The following ROR2 variants were observed in gnomAD, a reference collection of about 807,000 sequenced individuals.
The protein encoded by ROR2 is ROR family WNT receptor 2, also known as tyrosine-protein kinase transmembrane receptor ROR2.
ROR2 carries 33 observed loss-of-function variants against 74.9 expected under a neutral mutation model. The ratio of observed to expected loss-of-function variants is 0.44; its 90% CI spans 0.33 to 0.59. ROR2 has a LOEUF of 0.59. ROR2 is among the 20% of genes least tolerant of loss of function. The pLI, the probability that ROR2 is intolerant of heterozygous loss-of-function variation, is 0.02. For missense variants in ROR2, 1,216 were observed against 1,313.8 expected (o/e 0.93, Z 1.15); for synonymous variants, 586 against 558.7 (o/e 1.05, Z -0.69).
chr9:91,844,424 C>T (rs767769384), intron 1 of ROR2, among the ~76,000 whole-genome samples: 51 of 152,294 alleles, frequency 3.3e-4, no homozygotes, highest in Non-Finnish European at 6.2e-4. Context: ...AAAGACACCG[C>T]CTCCTTCGTG....
chr9:91,760,596 T>G (rs1279893381), intron 2 of ROR2, among the ~76,000 whole-genome samples: 1 of 148,940 alleles, frequency 6.7e-6, no homozygotes, highest in African/African-American at 2.5e-5. Flanking sequence ...ATCGCGCCAC[T>G]GCACTCCGGC....
intron 1 of ROR2, among the ~76,000 whole-genome samples, chr9:91,803,085 G>A (rs1367282014): frequency 6.6e-6 from 1 of 152,160 alleles, no homozygotes; most frequent in African/African-American, 2.4e-5. Flanking sequence ...GTGCACTGCT[G>A]GTGGGGGTGC....
intron 4 of ROR2, among the ~76,000 whole-genome samples, chr9:91,740,890 T>C (rs1461831672): frequency 1.3e-5 from 2 of 151,840 alleles, no homozygotes; most frequent in African/African-American, 4.8e-5. Context: ...AGAAATGAAG[T>C]GTGGAAATCC....
chr9:91,804,787 C>T lies in ROR2; in HGVS notation c.98-28969G>A, dbSNP rs544968989. Among the ~76,000 whole-genome samples, 49 of 152,318 alleles carry T rather than the reference C, an allele frequency of 3.2e-4. No individual in the cohort carries two copies. In the South Asian group the frequency reaches 7.0e-3, roughly 22 times the overall value. Reference sequence around the variant, plus strand: ...CTGAGATGAGAAGCATGAATGAGAACGGGCTGTCAGGCTCCTCTGTCAGTT... The same window carrying T: ...CTGAGATGAGAAGCATGAATGAGAATGGGCTGTCAGGCTCCTCTGTCAGTT... On this transcript the variant is annotated intron_variant, in intron 1 of 8. Coordinates refer to ENST00000375708, the MANE Select transcript of ROR2 (RefSeq NM_004560.4).
Position 91,724,088 on chromosome 9 carries a change from G to T in ROR2, c.2406C>A (p.Ile802=), listed in dbSNP as rs1587652567. Residue 802 remains isoleucine (I), a synonymous_variant, in exon 9 of 9, where the codon ATC becomes ATA. Coordinates refer to ENST00000375708, the MANE Select transcript of ROR2 (RefSeq NM_004560.4). The part of the protein sequence containing the change: ...KAPPFPQPQF[I]PMKGQIRPMV... ...TGGGTCTGATCTGGCCCTTCATGGG[G>T]ATGAACTGGGGCTGTGGGAAGGGCG... 1.2e-6 allele frequency: 2 copies of T among 1,611,302 alleles called. No homozygotes were observed. The highest frequency in any genetic ancestry group is 1.7e-6 in the Non-Finnish European group (2 of 1,179,906).
chr9:91,738,910 G>GAA (rs948074353), intron 4 of ROR2, among the ~76,000 whole-genome samples: 3 of 152,188 alleles, frequency 2.0e-5, no homozygotes, highest in African/African-American at 7.2e-5. Context: ...ATTTTCTGCA[G>GAA]AAACTGTTGG....
Position 91,905,017 on chromosome 9 carries a change from CCA to C in ROR2, c.97+44848_97+44849del, listed in dbSNP as rs921823527. On this transcript the variant is annotated intron_variant, in intron 1 of 8. Transcript: ENST00000375708. The surrounding 1 kb of genome is among the most constrained non-coding windows in gnomAD (Gnocchi z 5.3). ...CACAACACATACCACACAACATATA[CCA>C]CACACAAAAACGTAACATATACGCA... is the stretch of plus-strand genomic sequence containing the variant. Among the ~76,000 whole-genome samples the C allele has an allele frequency of 6.7e-6, 1 of 150,342 alleles. No individual in the cohort carries two copies. The highest frequency in any genetic ancestry group is 1.5e-5 in the Non-Finnish European group (1 of 67,618).
In ROR2 at chr9:91,909,678, A is replaced by C. The variant is rs975965410; in HGVS notation, c.97+40189T>G. On this transcript the variant is annotated intron_variant, in intron 1 of 8. Transcript: ENST00000375708. The stretch of plus-strand genomic sequence containing the variant: ...CAGGCTCCTATGTTTAACTGTATGA[A>C]GGATCTGGTTTTTCCTCCTGTTCCA... 3.3e-5 allele frequency among the ~76,000 whole-genome samples: 5 copies of C among 151,448 alleles called. No homozygotes were observed. In the East Asian group the frequency reaches 9.8e-4, roughly 30 times the overall value.
intron 1 of ROR2, among the ~76,000 whole-genome samples, chr9:91,919,995 T>C (rs534885380): frequency 2.0e-5 from 3 of 152,158 alleles, no homozygotes; most frequent in Non-Finnish European, 4.4e-5. Context: ...CCCACCAGGC[T>C]CCCTTGACCC....
intron 1 of ROR2, among the ~76,000 whole-genome samples, chr9:91,862,780 A>G (rs953937239): frequency 6.6e-6 from 1 of 152,258 alleles, no homozygotes; most frequent in African/African-American, 2.4e-5. Context: ...GATTCCCAGC[A>G]TCCAGAACTG....
In ROR2 at chr9:91,733,467, G is replaced by A. The variant is rs1554753539; in HGVS notation, c.623-31C>T. 3.1e-6 allele frequency: 5 copies of A among 1,599,118 alleles called. No individual in the cohort carries two copies. The highest frequency in any genetic ancestry group is 4.3e-6 in the Non-Finnish European group (5 of 1,175,682). On this transcript the variant is annotated intron_variant, in intron 5 of 8. Coordinates refer to ENST00000375708, the MANE Select transcript of ROR2 (RefSeq NM_004560.4). This position sits in a 1 kb window ranked among gnomAD's most constrained non-coding sequence, Gnocchi z 5.7. ...GAGCCCGCGAGACTCGCGTTAGCGGGGGACCCACCTTGCGCCCTTGACATT... is the reference window on the plus strand; with the variant it reads ...GAGCCCGCGAGACTCGCGTTAGCGGAGGACCCACCTTGCGCCCTTGACATT...
At chr9:91,838,683 G>C (rs1297375141) in intron 1 of ROR2, among the ~76,000 whole-genome samples, 1 of 151,382 alleles carries the variant, frequency 6.6e-6, no homozygotes, top group Non-Finnish European at 1.5e-5. Flanking sequence ...CGAGCACCAC[G>C]GCCGGCGCAG....
At chr9:91,868,122 C>T (rs569496945) in intron 1 of ROR2, among the ~76,000 whole-genome samples, 1 of 152,116 alleles carries the variant, frequency 6.6e-6, no homozygotes, top group South Asian at 2.1e-4. Flanking sequence ...ACAAGTAAAG[C>T]ACTTTGGAAA....
intron 1 of ROR2, among the ~76,000 whole-genome samples, chr9:91,931,913 A>G (rs1200944039): frequency 6.6e-6 from 1 of 152,208 alleles, no homozygotes; most frequent in African/African-American, 2.4e-5. Flanking sequence ...AAAATAAGTG[A>G]CACTAGCCAA....
chr9:91,763,346 A>C (rs1232285772), intron 2 of ROR2, among the ~76,000 whole-genome samples: 1 of 152,220 alleles, frequency 6.6e-6, no homozygotes, highest in Non-Finnish European at 1.5e-5. Context: ...AGGGGAAAAA[A>C]GTATCCACTT....
At chr9:91,839,663 CAT>C (rs1269686252) in intron 1 of ROR2, among the ~76,000 whole-genome samples, 2 of 147,204 alleles carry the variant, frequency 1.4e-5, no homozygotes, top group East Asian at 2.1e-4. Context: ...TGTGGGGATA[CAT>C]GTTTGTGCAT....
chr9:91,869,662 G>C (rs1363302613), intron 1 of ROR2, among the ~76,000 whole-genome samples: 1 of 152,112 alleles, frequency 6.6e-6, no homozygotes, highest in East Asian at 1.9e-4. Context: ...GCCAAGGCTC[G>C]TGGGTGGAGG....
chr9:91,891,686 G>T (rs2119398918), intron 1 of ROR2, among the ~76,000 whole-genome samples: 1 of 152,294 alleles, frequency 6.6e-6, no homozygotes, highest in South Asian at 2.1e-4. Context: ...CTTGCTGGGT[G>T]TGGGCTGCAG....
intron 1 of ROR2, among the ~76,000 whole-genome samples, chr9:91,865,287 C>T (rs549232157): frequency 2.6e-5 from 4 of 152,280 alleles, no homozygotes; most frequent in East Asian, 1.9e-4. Context: ...GTTACAGTGA[C>T]GCCTCTCCTA....
Sources: gnomAD v4.1 joint callset for allele counts (sites outside exome capture counted in the v4.1 genomes callset) on GRCh38, gnomAD v4.1.1 for gene constraint, Gnocchi (gnomAD v3.1) non-coding constraint, MANE v1.5 for transcripts, NCBI Gene and HGNC (gene_info 2026-07-23, HGNC 2026-07-21) for gene names.